Variants in SYT1 observed in about 807,000 individuals in gnomAD.
The protein encoded by SYT1 is synaptotagmin-1.
SYT1 carries 8 observed loss-of-function variants against 44.8 expected under a neutral mutation model. The observed-to-expected ratio is 0.18, with a 90% confidence interval of 0.10 to 0.32. SYT1 has a LOEUF of 0.32. SYT1 is among the 10% of genes least tolerant of loss of function. The pLI is 1.00. For synonymous variants in SYT1, 154 were observed against 188.8 expected, an observed-to-expected ratio of 0.82 and a Z score of 1.51; for missense variants, 286 against 509.3, an observed-to-expected ratio of 0.56 and a Z score of 4.22.
intron 4 of SYT1, among the ~76,000 whole-genome samples, chr12:79,274,588 C>T (rs1249655974): frequency 6.6e-6 from 1 of 152,196 alleles, no homozygotes; most frequent in Non-Finnish European, 1.5e-5. Flanking sequence ...TCACCCAACC[C>T]CCACACAGCT....
In SYT1 at chr12:79,209,566, AAGG is replaced by A. The variant is rs1874319648; in HGVS notation, c.-17-7936_-17-7934del. On this transcript the variant is annotated intron_variant, in intron 3 of 10. Coordinates refer to ENST00000261205, the MANE Select transcript of SYT1 (RefSeq NM_005639.3). ...GCCAGCATCCACCACTCATTGTGTG[AAGG>A]CCATTCCTGGGTAAGGGGGTTTAAC... Among the ~76,000 whole-genome samples, 3 of 152,316 alleles carry A rather than the reference AAGG, an allele frequency of 2.0e-5. 1 individual carries two copies. Among genetic ancestry groups the A allele is most frequent in the Middle Eastern group, 6.8e-3 (2 of 294 alleles).
In SYT1 at chr12:79,420,257, C is replaced by A. The variant is rs543162931; in HGVS notation, c.929-23816C>A. On this transcript the variant is annotated intron_variant, in intron 9 of 10. Coordinates refer to ENST00000261205, the MANE Select transcript of SYT1 (RefSeq NM_005639.3). Reference sequence around the variant, plus strand: ...AACACCCCAACCAGAAGTGTGTGAGCTTTCCTATTGCTCATATCCTTGCCA... The same window carrying A: ...AACACCCCAACCAGAAGTGTGTGAGATTTCCTATTGCTCATATCCTTGCCA... 4.6e-5 allele frequency among the ~76,000 whole-genome samples: 7 copies of A among 152,250 alleles called. No individual in the cohort carries two copies. In the East Asian group the frequency reaches 1.4e-3, roughly 29 times the overall value.
chr12:78,905,095 A>C (rs1223796168), intron 1 of SYT1, among the ~76,000 whole-genome samples: 2 of 152,182 alleles, frequency 1.3e-5, no homozygotes, highest in Admixed American at 6.6e-5. Flanking sequence ...GGCACTGATT[A>C]CTTGGTAAGG....
intron 3 of SYT1, among the ~76,000 whole-genome samples, chr12:79,210,402 C>T (rs896337312): frequency 1.3e-5 from 2 of 152,118 alleles, no homozygotes; most frequent in Admixed American, 6.5e-5. Flanking sequence ...TCTCACCCCT[C>T]TCCCACTTTT....
chr12:78,966,003 G>A (rs1040484082), intron 1 of SYT1, among the ~76,000 whole-genome samples: 1 of 151,582 alleles, frequency 6.6e-6, no homozygotes, highest in East Asian at 1.9e-4. Flanking sequence ...CTTGAACCCG[G>A]GCGGCAAAGA....
intron 7 of SYT1, among the ~76,000 whole-genome samples, chr12:79,297,757 G>C (rs1426324672): frequency 6.6e-6 from 1 of 152,068 alleles, no homozygotes; most frequent in Non-Finnish European, 1.5e-5. Context: ...TACTCATCTT[G>C]AAATGCCAAG....
At chr12:79,268,623 T>A (rs951317928) in intron 4 of SYT1, among the ~76,000 whole-genome samples, 3 of 152,198 alleles carry the variant, frequency 2.0e-5, no homozygotes, top group Non-Finnish European at 4.4e-5. Flanking sequence ...GCTTGGAGCA[T>A]TTTTACAGTA....
At chr12:78,873,191 A>G (rs534136930) in intron 1 of SYT1, among the ~76,000 whole-genome samples, 1 of 151,770 alleles carries the variant, frequency 6.6e-6, no homozygotes, top group African/African-American at 2.4e-5. Flanking sequence ...GCAATTACAC[A>G]TTTAGAAAGC....
chr12:78,875,736 A>G (rs1306386831), intron 1 of SYT1, among the ~76,000 whole-genome samples: 1 of 151,700 alleles, frequency 6.6e-6, no homozygotes, highest in Non-Finnish European at 1.5e-5. Context: ...GTGTGTTCAT[A>G]TGCTTACATT....
chr12:78,941,847 T>C (rs1427581057), intron 1 of SYT1, among the ~76,000 whole-genome samples: 1 of 152,170 alleles, frequency 6.6e-6, no homozygotes, highest in Non-Finnish European at 1.5e-5. Context: ...ATTACACCAG[T>C]TGGGGGTGAA....
chr12:79,024,067 ACTG>A, intron 2 of SYT1, among the ~76,000 whole-genome samples: 1 of 151,926 alleles, frequency 6.6e-6, no homozygotes, highest in Middle Eastern at 3.4e-3. Flanking sequence ...GAGGGAGAGA[ACTG>A]CTGTTTTCCC....
chr12:79,277,960 T>C (rs1389454273), intron 4 of SYT1, among the ~76,000 whole-genome samples: 1 of 151,790 alleles, frequency 6.6e-6, no homozygotes, highest in Non-Finnish European at 1.5e-5. Flanking sequence ...AAGCAGAAGA[T>C]ATAACAATCA....
At chr12:79,328,845 C>CAAA (rs986493458) in intron 8 of SYT1, among the ~76,000 whole-genome samples, 1 of 92,188 alleles carries the variant, frequency 1.1e-5, no homozygotes, top group Non-Finnish European at 2.3e-5. Context: ...GACTCCATCT[C>CAAA]AAAAAAAAAA....
At chr12:79,285,211 A>G (rs1879249240) in intron 4 of SYT1, among the ~76,000 whole-genome samples, 1 of 152,230 alleles carries the variant, frequency 6.6e-6, no homozygotes, top group South Asian at 2.1e-4. Flanking sequence ...TTCTATATAT[A>G]CAACTAATAT....
intron 8 of SYT1, among the ~76,000 whole-genome samples, chr12:79,315,049 A>T (rs1476881839): frequency 6.6e-6 from 1 of 152,200 alleles, no homozygotes; most frequent in African/African-American, 2.4e-5. Context: ...AAAATCTTCT[A>T]GAATTAGATA....
At chr12:78,876,780 T>TTA (rs1398559520) in intron 1 of SYT1, among the ~76,000 whole-genome samples, 17 of 47,524 alleles carry the variant, frequency 3.6e-4, no homozygotes, top group East Asian at 5.9e-4. Flanking sequence ...TATTTATATA[T>TTA]TATATAATAC....
chr12:79,258,841 T>C (rs950388732), intron 4 of SYT1, among the ~76,000 whole-genome samples: 3 of 152,226 alleles, frequency 2.0e-5, no homozygotes, highest in Non-Finnish European at 2.9e-5. Flanking sequence ...TTAATTTTAA[T>C]AATATTTGAA....
intron 7 of SYT1, among the ~76,000 whole-genome samples, chr12:79,296,657 T>TTC (rs890522947): frequency 5.3e-5 from 8 of 152,146 alleles, no homozygotes; most frequent in Admixed American, 3.9e-4. Context: ...TGTAACAAAA[T>TTC]TGTGTGTGTA....
At chr12:79,045,292 CG>C (rs886870721) in intron 2 of SYT1, among the ~76,000 whole-genome samples, 1 of 152,220 alleles carries the variant, frequency 6.6e-6, no homozygotes, top group Non-Finnish European at 1.5e-5. Context: ...GCGTAGGACC[CG>C]CCGAGCCAGG....
Sources: allele counts gnomAD v4.1 joint callset (sites outside exome capture counted in the v4.1 genomes callset), GRCh38; gene constraint gnomAD v4.1.1; transcripts MANE v1.5; gene names NCBI Gene and HGNC (gene_info 2026-07-23, HGNC 2026-07-21).